Variants in PCDHA11 observed in about 807,000 individuals in gnomAD.
PCDHA11 encodes the protein protocadherin alpha-11.
PCDHA11 carries 61 observed loss-of-function variants against 70.3 expected under a neutral mutation model. The observed-to-expected ratio is 0.87, with a 90% CI of 0.71 to 1.07. PCDHA11 has a LOEUF of 1.07. Ranked by LOEUF, PCDHA11 falls within the 50% of genes least tolerant of loss-of-function variation. PCDHA11 has a pLI of 0.00. For missense variants in PCDHA11, 1,324 were observed against 1,237.5 expected (o/e 1.07, Z -1.05); for synonymous variants, 633 against 555.1 (o/e 1.14, Z -1.97).
intron 1 of PCDHA11, among the ~76,000 whole-genome samples, chr5:140,918,655 T>C (rs1248144760): frequency 6.6e-6 from 1 of 152,218 alleles, no homozygotes; most frequent in Non-Finnish European, 1.5e-5. Context: ...CTAATTCTCA[T>C]GTTGATGGTA....
intron 1 of PCDHA11, chr5:140,877,093 G>T (rs2056846978): frequency 6.2e-7 from 1 of 1,613,178 alleles, no homozygotes; most frequent in African/African-American, 1.3e-5. Context: ...GCGCGACGCC[G>T]GCGTGCCGCC....
intron 1 of PCDHA11, among the ~76,000 whole-genome samples, chr5:140,934,682 A>G (rs2089985981): frequency 6.6e-6 from 1 of 152,156 alleles, no homozygotes; most frequent in Non-Finnish European, 1.5e-5. Flanking sequence ...AGTATTCAAA[A>G]CAATGAATTG....
chr5:140,948,255 C>G (rs1271882562), intron 1 of PCDHA11, among the ~76,000 whole-genome samples: 1 of 151,484 alleles, frequency 6.6e-6, no homozygotes, highest in Non-Finnish European at 1.5e-5. Flanking sequence ...ATTTTTACAT[C>G]TGTGTTCATG....
At chr5:140,969,294 T>C in intron 1 of PCDHA11, 2 of 1,614,212 alleles carry the variant, frequency 1.2e-6, no homozygotes, top group Non-Finnish European at 1.7e-6. Context: ...GCTGGGAACC[T>C]GATTATTCTC....
In PCDHA11 at chr5:140,967,370, G is replaced by A. The variant is rs1554229504; in HGVS notation, c.2392-11579G>A. ...CGAGCTGGACCTTAAGCCCCTGCAGGAGAACAGTAAAGTGCTTGAGCTGGT... is the reference window on the plus strand; with the variant it reads ...CGAGCTGGACCTTAAGCCCCTGCAGAAGAACAGTAAAGTGCTTGAGCTGGT... On this transcript the variant is annotated intron_variant, in intron 1 of 3. Transcript: ENST00000398640. The A allele has an allele frequency of 3.1e-6, 5 of 1,607,662 alleles. No individual in the cohort carries two copies. The South Asian group carries it at 3.3e-5, about 11-fold the overall frequency.
At chr5:140,872,920 T>C (rs2153277088) in intron 1 of PCDHA11, among the ~76,000 whole-genome samples, 1 of 152,356 alleles carries the variant, frequency 6.6e-6, no homozygotes, top group South Asian at 2.1e-4. Flanking sequence ...TAATGCCTTA[T>C]CTCTAATGTT....
chr5:140,871,014 C>T lies in PCDHA11; in HGVS notation c.1911C>T (p.Asp637=), dbSNP rs1554164974. The change falls in exon 1 of 4, where the codon GAC becomes GAT. Residue 637 remains aspartate (D), a synonymous_variant. Coordinates refer to ENST00000398640, the MANE Select transcript of PCDHA11 (RefSeq NM_018902.5). ...TGEISTTRAL[D]EADSPRHRLL... is the part of the protein sequence containing the mutation. ...AGATAAGCACAACGCGTGCCCTGGA[C>T]GAGGCAGACTCGCCGCGCCACCGAC... 1.2e-6 allele frequency: 2 copies of T among 1,613,178 alleles called. No individual in the cohort carries two copies. The highest frequency in any genetic ancestry group is 1.7e-5 in the Admixed American group (1 of 59,992).
At chr5:140,920,131 T>G (rs1207723509) in intron 1 of PCDHA11, among the ~76,000 whole-genome samples, 1 of 152,202 alleles carries the variant, frequency 6.6e-6, no homozygotes, top group Non-Finnish European at 1.5e-5. Context: ...TGAGTTTTAA[T>G]TCTCCTCTCC....
intron 1 of PCDHA11, among the ~76,000 whole-genome samples, chr5:140,908,777 TCTC>T (rs2074149319): frequency 6.6e-6 from 1 of 152,144 alleles, no homozygotes; most frequent in African/African-American, 2.4e-5. Flanking sequence ...TGTAGAGTCT[TCTC>T]CTGTTCTGTA....
At chr5:140,901,278 A>AT (rs1554189713) in intron 1 of PCDHA11, among the ~76,000 whole-genome samples, 2 of 152,102 alleles carry the variant, frequency 1.3e-5, no homozygotes, top group Non-Finnish European at 2.9e-5. Context: ...TACTCAAGAA[A>AT]TTTTTGCCCA....
At chr5:140,995,999 G>A (rs1489207802) in intron 3 of PCDHA11, among the ~76,000 whole-genome samples, 3 of 152,198 alleles carry the variant, frequency 2.0e-5, no homozygotes, top group Admixed American at 6.5e-5. Context: ...CAAAAATGTC[G>A]TCAGAACTAT....
intron 1 of PCDHA11, chr5:140,967,981 G>A (rs1192553799): frequency 4.3e-6 from 7 of 1,614,084 alleles, no homozygotes; most frequent in African/African-American, 1.3e-5. Flanking sequence ...TGGGTCTGGA[G>A]GCCACACTGC....
At chr5:140,959,676 A>G (rs2095505288) in intron 1 of PCDHA11, among the ~76,000 whole-genome samples, 1 of 152,246 alleles carries the variant, frequency 6.6e-6, no homozygotes, top group Non-Finnish European at 1.5e-5. Flanking sequence ...AATCATTTCT[A>G]AATAATTTCA....
chr5:140,869,588 T>TC lies in PCDHA11; in HGVS notation c.485_486insC (p.Glu163Ter). On this transcript the variant is annotated frameshift_variant, in exon 1 of 4. Transcript: ENST00000398640. LOFTEE classifies it high-confidence loss of function. The stretch of plus-strand genomic sequence containing the variant: ...CTAGAGGGAGCTTCTGATGCTGACA[T>TC]TGAAGAGAATGCTCTATTGACCTAC... The TC allele has an allele frequency of 6.2e-7, 1 of 1,614,114 alleles. No homozygotes were observed.
At chr5:140,935,382 T>G (rs1475831801) in intron 1 of PCDHA11, among the ~76,000 whole-genome samples, 1 of 152,218 alleles carries the variant, frequency 6.6e-6, no homozygotes, top group Non-Finnish European at 1.5e-5. Flanking sequence ...AATTACTCAT[T>G]TGTTATCCCA....
chr5:140,927,907 G>T, intron 1 of PCDHA11: 1 of 1,614,156 alleles, frequency 6.2e-7, no homozygotes, highest in Non-Finnish European at 8.5e-7. Context: ...TCATGCCCCC[G>T]AACTGGACTT....
intron 1 of PCDHA11, among the ~76,000 whole-genome samples, chr5:140,923,261 A>C (rs570487869): frequency 6.6e-6 from 1 of 152,322 alleles, no homozygotes; most frequent in East Asian, 1.9e-4. Flanking sequence ...CAACATAGTG[A>C]GACCTTGTCT....
intron 3 of PCDHA11, among the ~76,000 whole-genome samples, 189 bp from the exon 4 acceptor site, chr5:141,009,438 T>C (rs1024999058): frequency 6.6e-6 from 1 of 152,190 alleles, no homozygotes; most frequent in African/African-American, 2.4e-5. Context: ...AGGGAAATCC[T>C]GTCTCAAAAA....
chr5:140,986,106 G>A (rs2097187379), intron 3 of PCDHA11, among the ~76,000 whole-genome samples: 2 of 152,116 alleles, frequency 1.3e-5, no homozygotes, highest in Non-Finnish European at 2.9e-5. Context: ...AAAAGCCTAA[G>A]ATAAAGATGC....
Sources: allele counts gnomAD v4.1 joint callset (sites outside exome capture counted in the v4.1 genomes callset), GRCh38; gene constraint gnomAD v4.1.1; transcripts MANE v1.5; gene names NCBI Gene and HGNC (gene_info 2026-07-23, HGNC 2026-07-21).